Variants in ADGRV1 observed in about 807,000 individuals in gnomAD.
ADGRV1 encodes G-protein coupled receptor 98.
Under a neutral mutation model 596.2 loss-of-function variants are expected in ADGRV1, and 359 were observed. The observed-to-expected ratio is 0.60, with a 90% confidence interval of 0.55 to 0.66. The LOEUF (loss-of-function observed/expected upper bound fraction) is 0.66, where lower values mean the gene tolerates loss of function less well. Ranked by LOEUF, ADGRV1 falls within the 30% of genes least tolerant of loss-of-function variation. The probability of loss-of-function intolerance (pLI) is 0.00; values close to 1 mark genes in which losing one functional copy is unlikely to be tolerated. For synonymous variants in ADGRV1, 2,681 were observed against 2,679.2 expected, an observed-to-expected ratio of 1.00 and a Z score of -0.02; for missense variants, 7,274 against 7,575.6, an observed-to-expected ratio of 0.96 and a Z score of 1.48.
chr5:90,781,727 T>G (rs751987148), intron 65 of ADGRV1, 149 bp downstream of exon 65: 12 of 714,960 alleles, frequency 1.7e-5, no homozygotes, highest in Non-Finnish European at 2.4e-5. Context: ...TTTACTTATT[T>G]GAAATACATT....
chr5:91,120,116 G>A (rs1198449339), intron 87 of ADGRV1, among the ~76,000 whole-genome samples: 2 of 152,182 alleles, frequency 1.3e-5, no homozygotes, highest in African/African-American at 2.4e-5. Context: ...ACCAGACGCT[G>A]CAAACTCCTT....
At chr5:90,808,230 C>T (rs903114241) in intron 73 of ADGRV1, among the ~76,000 whole-genome samples, 9 of 152,110 alleles carry the variant, frequency 5.9e-5, no homozygotes, top group East Asian at 1.9e-4. Context: ...CAGATAAATA[C>T]GTACCAGCCA....
At chr5:90,892,766 A>G (rs562905630) in intron 83 of ADGRV1, among the ~76,000 whole-genome samples, 117 of 152,302 alleles carry the variant, frequency 7.7e-4, no homozygotes, top group Non-Finnish European at 1.2e-3. Context: ...TATTCATTAT[A>G]CCGCAAAAGA....
intron 21 of ADGRV1, among the ~76,000 whole-genome samples, chr5:90,664,223 T>C (rs1770900975): frequency 6.9e-6 from 1 of 145,386 alleles, no homozygotes; most frequent in South Asian, 2.3e-4. Context: ...ATTTTCACGA[T>C]ATTGATTCTT....
chr5:90,796,985 A>C (rs1314123611), intron 70 of ADGRV1, among the ~76,000 whole-genome samples: 1 of 152,172 alleles, frequency 6.6e-6, no homozygotes, highest in East Asian at 1.9e-4. Flanking sequence ...CTAAACATGG[A>C]AAGTAAAACC....
At chr5:90,805,252 A>G (rs1480224364) in intron 71 of ADGRV1, 32 bp from the exon 72 acceptor site, 5 of 1,587,238 alleles carry the variant, frequency 3.2e-6, no homozygotes, top group Non-Finnish European at 4.3e-6. Flanking sequence ...TTTAGAGAGA[A>G]ATAAAATACT....
intron 1 of ADGRV1, among the ~76,000 whole-genome samples, chr5:90,595,543 G>A (rs867595486): frequency 7.8e-6 from 1 of 128,366 alleles, no homozygotes; most frequent in South Asian, 2.5e-4. Flanking sequence ...TCCTGGACGG[G>A]GCGGCTGGCC....
At chr5:90,788,859 C>CACAG (rs1300845299) in intron 68 of ADGRV1, among the ~76,000 whole-genome samples, 5 of 122,120 alleles carry the variant, frequency 4.1e-5, no homozygotes, top group Middle Eastern at 4.0e-3. Flanking sequence ...TGCACACAGA[C>CACAG]ACAGACACAC....
chr5:91,104,674 G>C (rs1485113519), intron 87 of ADGRV1, among the ~76,000 whole-genome samples: 1 of 151,976 alleles, frequency 6.6e-6, no homozygotes, highest in Non-Finnish European at 1.5e-5. Flanking sequence ...ACATGAGTGA[G>C]AGCATGCAAT....
intron 75 of ADGRV1, among the ~76,000 whole-genome samples, chr5:90,821,699 C>T (rs1192401512): frequency 7.9e-5 from 12 of 151,584 alleles, no homozygotes; most frequent in Admixed American, 3.9e-4. Context: ...TGTGCCCCTG[C>T]TGGGGGGTGC....
At chr5:90,599,601 T>C (rs1220401001) in intron 1 of ADGRV1, among the ~76,000 whole-genome samples, 1 of 152,218 alleles carries the variant, frequency 6.6e-6, no homozygotes, top group East Asian at 1.9e-4. Flanking sequence ...AAATTGATCT[T>C]AGGCTTTATC....
chr5:90,614,885 C>G lies in ADGRV1; in HGVS notation c.73C>G (p.Leu25Val). Reference sequence around the variant, plus strand: ...AAATCTTCTTTCAGCTTTACTCATCCTATTTGTGTTTGGAGAAACAGAAAT... The same window carrying G: ...AAATCTTCTTTCAGCTTTACTCATCGTATTTGTGTTTGGAGAAACAGAAAT... ...LVNLLSALLI[L>V]FVFGETEIRF... Residue 25 changes from leucine to valine, a missense_variant, in exon 2 of 90, where the codon CTA becomes GTA. Transcript: ENST00000405460. The G allele has an allele frequency of 1.2e-6, 2 of 1,610,262 alleles. No homozygotes were observed. Among genetic ancestry groups the G allele is most frequent in the Non-Finnish European group, 1.7e-6 (2 of 1,177,744 alleles).
At chr5:90,656,832 G>A (rs1385084156) in intron 20 of ADGRV1, among the ~76,000 whole-genome samples, 2 of 152,090 alleles carry the variant, frequency 1.3e-5, no homozygotes, top group East Asian at 1.9e-4. Context: ...GTACGAACAG[G>A]TAAAGAAAGG....
At chr5:91,120,651 C>G (rs1478759301) in intron 87 of ADGRV1, among the ~76,000 whole-genome samples, 1 of 152,110 alleles carries the variant, frequency 6.6e-6, no homozygotes, top group African/African-American at 2.4e-5. Flanking sequence ...TGAGTGACCT[C>G]AAGTCCATAG....
intron 85 of ADGRV1, among the ~76,000 whole-genome samples, chr5:91,062,084 T>A (rs571285863): frequency 5.9e-5 from 9 of 152,286 alleles, no homozygotes; most frequent in African/African-American, 2.2e-4. Context: ...AGAGCCACAT[T>A]GTTCTTCTTT....
chr5:90,949,181 A>AATG (rs1188790231), intron 83 of ADGRV1, among the ~76,000 whole-genome samples: 2 of 152,188 alleles, frequency 1.3e-5, no homozygotes, highest in African/African-American at 4.8e-5. Context: ...AGGCAAAATT[A>AATG]ATGATGATGA....
At chr5:90,977,949 T>A (rs1379373831) in intron 84 of ADGRV1, among the ~76,000 whole-genome samples, 1 of 152,184 alleles carries the variant, frequency 6.6e-6, no homozygotes, top group Non-Finnish European at 1.5e-5. Context: ...GGGAAAGTCT[T>A]GATTAAATGA....
At chr5:90,611,575 G>A (rs538189651) in intron 1 of ADGRV1, among the ~76,000 whole-genome samples, 2 of 152,052 alleles carry the variant, frequency 1.3e-5, no homozygotes, top group Non-Finnish European at 2.9e-5. Context: ...AATGATGTCA[G>A]TGATGCTAAA....
chr5:90,753,471 A>G, intron 53 of ADGRV1, 103 bp from the exon 54 acceptor site: 1 of 762,884 alleles, frequency 1.3e-6, no homozygotes, highest in Admixed American at 2.4e-5. Flanking sequence ...ATCTCTTGCT[A>G]TTTAAGTTAT....
Sources: allele counts gnomAD v4.1 joint callset (sites outside exome capture counted in the v4.1 genomes callset), GRCh38; gene constraint gnomAD v4.1.1; transcripts MANE v1.5; gene names NCBI Gene and HGNC (gene_info 2026-07-23, HGNC 2026-07-21).